Variants in AMN observed in about 807,000 individuals in gnomAD.
AMN encodes the protein amnion associated transmembrane protein, also known as protein amnionless.
A neutral mutation model predicts 49.1 loss-of-function variants in AMN; 40 were observed. That is an observed-to-expected ratio of 0.81 (90% CI 0.63 to 1.06). The LOEUF is 1.06. Ranked by LOEUF, AMN falls within the 50% of genes least tolerant of loss-of-function variation. The pLI is 0.00. For missense variants in AMN, 701 were observed against 662.8 expected (o/e 1.06, Z -0.63); for synonymous variants, 380 against 313.3 (o/e 1.21, Z -2.25).
At position 102,922,706 on chromosome 14, in the gene AMN, G is replaced by T. The variant is rs200460988; in HGVS notation, c.18G>T (p.Arg6=). ...GAGGCGAGATGGGCGTCCTGGGCCG[G>T]GTCCTGCTGTGGCTGCAGCTCTGCG... The part of the protein sequence containing the change: MGVLG[R]VLLWLQLCAL... The change falls in exon 1 of 12, where the codon CGG becomes CGT. Residue 6 remains arginine, a synonymous_variant. Transcript: ENST00000299155. 4 of 1,597,282 alleles carry T rather than the reference G, an allele frequency of 2.5e-6. No individual in the cohort carries two copies. The highest frequency in any genetic ancestry group is 1.1e-5 in the South Asian group (1 of 88,332).
intron 2 of AMN, 38 bp from the exon 3 acceptor site, chr14:102,923,897 G>A (rs1481572400): frequency 7.4e-6 from 12 of 1,612,932 alleles, no homozygotes; most frequent in Admixed American, 1.7e-5. Context: ...CCCGGTGGGG[G>A]TTGCTCCCGG....
At chr14:102,922,817 A>G in intron 1 of AMN, 86 bp downstream of exon 1, 14 of 1,505,366 alleles carry the variant, frequency 9.3e-6, no homozygotes, top group Non-Finnish European at 1.2e-5. Flanking sequence ...CTGGAGGGTG[A>G]AGATCTTCCG....
At chr14:102,925,685 G>T (rs1198209088) in intron 3 of AMN, among the ~76,000 whole-genome samples, 2 of 152,154 alleles carry the variant, frequency 1.3e-5, no homozygotes, top group Non-Finnish European at 2.9e-5. Flanking sequence ...AAGCACTTGG[G>T]CTCTGAAAGG....
In AMN at chr14:102,928,440, T is replaced by TGGGG. The variant is rs1891237948; in HGVS notation, c.223_226dup (p.Glu76GlyfsTer34). ...GTCTCTTGCAGCTCCTGCCGCTGGA[T>TGGGG]GGGGAACTCGTCCTGGCTTCAGGAG... On this transcript the variant is annotated frameshift_variant, in exon 4 of 12. Transcript: ENST00000299155. LOFTEE classifies it high-confidence loss of function. 1 of 1,606,474 alleles carries TGGGG rather than the reference T, an allele frequency of 6.2e-7. No individual in the cohort carries two copies.
rs367879875 is a variant in AMN, at chr14:102,923,924, T to C, written c.163-11T>C. 161 of 1,612,986 alleles carry C rather than the reference T, an allele frequency of 1.0e-4. 1 individual carries two copies. The highest frequency in any genetic ancestry group is 2.9e-5 in the Non-Finnish European group (34 of 1,180,012). On this transcript the variant is annotated splice_polypyrimidine_tract_variant and intron_variant, in intron 2 of 11. Coordinates refer to ENST00000299155, the MANE Select transcript of AMN (RefSeq NM_030943.4). ...TGCTCCCGGCTCGGCTGAGGCAGCT[T>C]CTTCCTGCAGATGGTGTCAGTCCTG...
chr14:102,930,133 CG>C (rs1160523556), intron 9 of AMN, 31 bp from the exon 10 acceptor site: 2 of 1,500,558 alleles, frequency 1.3e-6, no homozygotes, highest in Non-Finnish European at 1.8e-6. Flanking sequence ...CGCCCCGCCG[CG>C]GGGAAGACTG....
Position 102,928,918 on chromosome 14 carries a change from G to A in AMN, c.456G>A (p.Val152=), listed in dbSNP as rs753523412. The A allele has an allele frequency of 5.0e-6, 8 of 1,602,008 alleles. No homozygotes were observed. The Admixed American group carries it at 1.3e-4, about 27-fold the overall frequency. The change falls in exon 5 of 12, where the codon GTG becomes GTA. Residue 152 remains valine, a synonymous_variant. Transcript: ENST00000299155. ...VFFPPSASFR[V]GLGPGASPVR... ...TTCCGCCTAGTGCCTCCTTCCGCGT[G>A]GGGCTCGGCCCTGGCGCTAGCCCCG...
chr14:102,928,906 C>T lies in AMN; in HGVS notation c.444C>T (p.Ala148=), dbSNP rs1891257738. 6.2e-6 allele frequency: 10 copies of T among 1,602,850 alleles called. No homozygotes were observed. The highest frequency in any genetic ancestry group is 1.3e-5 in the African/African-American group (1 of 74,928). ...RHDDVFFPPS[A]SFRVGLGPGA... The stretch of plus-strand genomic sequence containing the variant: ...ACGACGTCTTCTTTCCGCCTAGTGC[C>T]TCCTTCCGCGTGGGGCTCGGCCCTG... The change falls in exon 5 of 12, where the codon GCC becomes GCT. Residue 148 remains alanine (A), a synonymous_variant. Coordinates refer to ENST00000299155, the MANE Select transcript of AMN (RefSeq NM_030943.4).
chr14:102,926,794 ACT>A (rs937062383), intron 3 of AMN, among the ~76,000 whole-genome samples: 4 of 151,942 alleles, frequency 2.6e-5, no homozygotes, highest in South Asian at 2.1e-4. Flanking sequence ...GCATGGACGG[ACT>A]CTCTCTAAAT....
At position 102,929,642 on chromosome 14, in the gene AMN, C is replaced by A. The variant is rs1295359446; in HGVS notation, c.761-13C>A. ...CCGGATCCACGGCGCTGACCCCTGC[C>A]CTCCCGCCGCAGGAGCCGTTGTGTT... On this transcript the variant is annotated splice_polypyrimidine_tract_variant and intron_variant, in intron 7 of 11. Coordinates refer to ENST00000299155, the MANE Select transcript of AMN (RefSeq NM_030943.4). 6.5e-7 allele frequency: 1 copy of A among 1,548,924 alleles called. No individual in the cohort carries two copies. The highest frequency in any genetic ancestry group is 2.4e-5 in the East Asian group (1 of 40,906).
intron 4 of AMN, 76 bp from the exon 5 acceptor site, chr14:102,928,682 C>T (rs1483117427): frequency 6.5e-7 from 1 of 1,536,062 alleles, no homozygotes; most frequent in Non-Finnish European, 8.8e-7. Flanking sequence ...CGTGCTCAGA[C>T]GCGTGGCGTG....
At chr14:102,924,322 G>C (rs762633415) in intron 3 of AMN, among the ~76,000 whole-genome samples, 21 of 144,280 alleles carry the variant, frequency 1.5e-4, no homozygotes, top group Non-Finnish European at 2.6e-4. Context: ...TCCATCTTTA[G>C]AACACTAGGG....
In AMN at chr14:102,930,767, C is replaced by G; in HGVS notation, c.*87C>G. On this transcript the variant is annotated 3_prime_UTR_variant, in exon 12 of 12. Transcript: ENST00000299155. ...GCTAGCCACCTCCTCGTCCAGCCCC[C>G]AAACCTCCCCTTCCTTTCCCCCTCC... 7.2e-7 allele frequency: 1 copy of G among 1,391,328 alleles called. No individual in the cohort carries two copies. Among genetic ancestry groups the G allele is most frequent in the Non-Finnish European group, 9.9e-7 (1 of 1,013,060 alleles). The allele number at this position is 1,391,328 out of a possible 1,614,324, so 86.2% of individuals were successfully genotyped here.
rs1286323088 is a variant in AMN at position 102,924,379 on chromosome 14, G to T, written c.207+400G>T. ...CCTCTACCCACCATCCGGGTCCCTG[G>T]CCTGTTAGGAAGTGGCCGCCCAGGA... On this transcript the variant is annotated intron_variant, in intron 3 of 11. Coordinates refer to ENST00000299155, the MANE Select transcript of AMN (RefSeq NM_030943.4). Among the ~76,000 whole-genome samples, 3 of 152,144 alleles carry T rather than the reference G, an allele frequency of 2.0e-5. No homozygotes were observed. The East Asian group carries it at 5.8e-4, about 29-fold the overall frequency.
Position 102,928,960 on chromosome 14 carries a change from C to G in AMN, c.498C>G (p.Ile166Met), listed in dbSNP as rs1891260464. The change falls in exon 5 of 12, where the codon ATC becomes ATG. Residue 166 changes from isoleucine to methionine, a missense_variant. Coordinates refer to ENST00000299155, the MANE Select transcript of AMN (RefSeq NM_030943.4). ...PGASPVRVRSISALGRTFTRD... is the reference protein window; with the variant it reads ...PGASPVRVRSMSALGRTFTRD... ...CTAGCCCCGTGCGTGTCCGCAGCATCTCGGCTCTGGGCCGGGTGAGCACTG... is the reference window on the plus strand; with the variant it reads ...CTAGCCCCGTGCGTGTCCGCAGCATGTCGGCTCTGGGCCGGGTGAGCACTG... 6.3e-7 allele frequency: 1 copy of G among 1,599,294 alleles called. No individual in the cohort carries two copies. The highest frequency in any genetic ancestry group is 8.5e-7 in the Non-Finnish European group (1 of 1,179,538).
At chr14:102,925,414 G>C (rs1891163561) in intron 3 of AMN, among the ~76,000 whole-genome samples, 1 of 152,214 alleles carries the variant, frequency 6.6e-6, no homozygotes, top group Non-Finnish European at 1.5e-5. Context: ...ACACACTGGG[G>C]AGGGCACCCA....
chr14:102,928,725 T>C (rs1033792655), intron 4 of AMN, 33 bp from the exon 5 acceptor site: 2 of 1,595,660 alleles, frequency 1.3e-6, no homozygotes, highest in Non-Finnish European at 1.7e-6. Flanking sequence ...GCGGCGCTTG[T>C]TCCGTGGAGC....
intron 8 of AMN, 37 bp downstream of exon 8, chr14:102,929,774 A>T (rs1357665793): frequency 1.3e-6 from 2 of 1,546,434 alleles, no homozygotes; most frequent in Non-Finnish European, 1.7e-6. Flanking sequence ...GGGAGTCCCG[A>T]CCCCAGCCCT....
rs773644598 is a variant in AMN, at chr14:102,930,694, C to A, written c.*14C>A. 6 of 1,566,820 alleles carry A rather than the reference C, an allele frequency of 3.8e-6. No individual in the cohort carries two copies. The East Asian group carries it at 9.5e-5, about 25-fold the overall frequency. ...GCCGAGGCCTGAGCGGCCGCCTGACCGTCGACCTTGGGGCTCTCCACCCGC... is the reference window on the plus strand; with the variant it reads ...GCCGAGGCCTGAGCGGCCGCCTGACAGTCGACCTTGGGGCTCTCCACCCGC... On this transcript the variant is annotated 3_prime_UTR_variant, in exon 12 of 12. Transcript: ENST00000299155.
Sources: allele counts gnomAD v4.1 joint callset (sites outside exome capture counted in the v4.1 genomes callset), GRCh38; gene constraint gnomAD v4.1.1; transcripts MANE v1.5; gene names NCBI Gene and HGNC (gene_info 2026-07-23, HGNC 2026-07-21).